Variants in TTC23 observed in about 807,000 individuals in gnomAD.
TTC23 encodes tetratricopeptide repeat protein 23.
Under a neutral mutation model 55.1 loss-of-function variants are expected in TTC23, and 58 were observed. The ratio of observed to expected loss-of-function variants is 1.05; its 90% CI spans 0.85 to 1.31. TTC23 has a LOEUF of 1.31. Ranked by LOEUF, TTC23 falls within the 50% of genes most tolerant of loss-of-function variation. The pLI is 0.00. For synonymous variants in TTC23, 203 were observed against 199.9 expected (o/e 1.02, Z -0.13); for missense variants, 516 against 534.4 (o/e 0.97, Z 0.34).
chr15:99,221,254 G>C (rs1214008920), intron 6 of TTC23, among the ~76,000 whole-genome samples: 1 of 152,168 alleles, frequency 6.6e-6, no homozygotes, highest in Non-Finnish European at 1.5e-5. Flanking sequence ...CACATTGTTT[G>C]AACACTGGAT....
At chr15:99,145,121 C>T (rs1486753879) in intron 12 of TTC23, 2 of 152,212 alleles carry the variant, frequency 1.3e-5, no homozygotes, top group African/African-American at 4.8e-5. Context: ...GAAACACAGT[C>T]AGGGGTAGTG....
At chr15:99,230,637 AATAAAG>A (rs899902262) in intron 4 of TTC23, among the ~76,000 whole-genome samples, 27 of 152,202 alleles carry the variant, frequency 1.8e-4, no homozygotes, top group African/African-American at 5.1e-4. Flanking sequence ...ACGTATAAAA[AATAAAG>A]ATAAAGATGA....
At chr15:99,215,912 C>T (rs1176489044) in intron 8 of TTC23, among the ~76,000 whole-genome samples, 1 of 151,840 alleles carries the variant, frequency 6.6e-6, no homozygotes, top group Non-Finnish European at 1.5e-5. Context: ...GAAATTTAAA[C>T]CCAAATAAAT....
At chr15:99,190,460 A>G (rs1397907774) in intron 9 of TTC23, among the ~76,000 whole-genome samples, 1 of 152,114 alleles carries the variant, frequency 6.6e-6, no homozygotes, top group Non-Finnish European at 1.5e-5. Flanking sequence ...CTTATAAAAC[A>G]TACACTGAAG....
intron 9 of TTC23, 90 bp from the exon 10 acceptor site, chr15:99,175,245 C>A: frequency 9.7e-7 from 1 of 1,025,790 alleles, no homozygotes; most frequent in Non-Finnish European, 1.5e-6. Flanking sequence ...AGCAGAAAGC[C>A]AAGGAACTTT....
intron 9 of TTC23, among the ~76,000 whole-genome samples, chr15:99,183,320 CT>C (rs2074329995): frequency 6.8e-6 from 1 of 147,516 alleles, no homozygotes; most frequent in Non-Finnish European, 1.5e-5. Flanking sequence ...AAATTTCTTT[CT>C]TTTCTTTTTT....
intron 9 of TTC23, among the ~76,000 whole-genome samples, chr15:99,178,739 T>C (rs574024574): frequency 6.6e-6 from 1 of 152,324 alleles, no homozygotes; most frequent in Admixed American, 6.5e-5. Context: ...ATGCATGAGA[T>C]TGGCCTGTAC....
intron 1 of TTC23, among the ~76,000 whole-genome samples, chr15:99,245,926 T>A (rs2080205317): frequency 6.6e-6 from 1 of 150,606 alleles, no homozygotes; most frequent in Non-Finnish European, 1.5e-5. Flanking sequence ...TGACTCAGCC[T>A]CCCTGACTCA....
chr15:99,191,767 C>G (rs1462178470), intron 9 of TTC23, among the ~76,000 whole-genome samples: 1 of 152,018 alleles, frequency 6.6e-6, no homozygotes, highest in Non-Finnish European at 1.5e-5. Flanking sequence ...GAAAAGATAC[C>G]CAAAAATGTG....
chr15:99,177,443 T>A (rs761334729), intron 9 of TTC23, among the ~76,000 whole-genome samples: 34 of 152,334 alleles, frequency 2.2e-4, no homozygotes, highest in Admixed American at 1.1e-3. Context: ...GAAATTCAAC[T>A]TCATGTGTAT....
chr15:99,165,247 A>T (rs2071911178), intron 10 of TTC23, among the ~76,000 whole-genome samples: 2 of 152,242 alleles, frequency 1.3e-5, no homozygotes, highest in South Asian at 2.1e-4. Flanking sequence ...GAAAACACAC[A>T]GAGCAATCAA....
At position 99,218,872 on chromosome 15, in the gene TTC23, T is replaced by C. The variant is rs766726191; in HGVS notation, c.455+26A>G. 8 of 1,603,960 alleles carry C rather than the reference T, an allele frequency of 5.0e-6. No individual in the cohort carries two copies. The Admixed American group carries it at 8.6e-5, about 17-fold the overall frequency. ...GTGTTACGTGAATAGTATTTCTATT[T>C]GTAAAAGTTAGAGGCAAAAGGATAC... is the stretch of plus-strand genomic sequence containing the variant. On this transcript the variant is annotated intron_variant, in intron 7 of 13. Transcript: ENST00000394132.
At position 99,137,988 on chromosome 15, in the gene TTC23, A is replaced by G; in HGVS notation, c.*22T>C. The G allele has an allele frequency of 6.2e-7, 1 of 1,614,006 alleles. No homozygotes were observed. Among genetic ancestry groups the G allele is most frequent in the Non-Finnish European group, 8.5e-7 (1 of 1,179,958 alleles). On this transcript the variant is annotated 3_prime_UTR_variant, in exon 14 of 14. Coordinates refer to ENST00000394132, the MANE Select transcript of TTC23 (RefSeq NM_001288615.3). ...AAATGACAGTGCCCAGGAATGTCCT[A>G]GGCTTTTTCAGGGTGGGGGCCTCAG... is the stretch of plus-strand genomic sequence containing the variant.
At chr15:99,172,036 G>A (rs62025664) in intron 10 of TTC23, among the ~76,000 whole-genome samples, 1 of 147,592 alleles carries the variant, frequency 6.8e-6, no homozygotes, top group Non-Finnish European at 1.5e-5. Context: ...TTTTTTTTTG[G>A]AGACAGAGTA....
At chr15:99,169,962 C>T (rs887719255) in intron 10 of TTC23, among the ~76,000 whole-genome samples, 1 of 152,232 alleles carries the variant, frequency 6.6e-6, no homozygotes, top group African/African-American at 2.4e-5. Flanking sequence ...CGCCTGCACT[C>T]AGCAGGCTCT....
chr15:99,181,146 C>T (rs1345866938), intron 9 of TTC23, among the ~76,000 whole-genome samples: 1 of 152,246 alleles, frequency 6.6e-6, no homozygotes, highest in African/African-American at 2.4e-5. Context: ...AGAACAGAGA[C>T]TCAGACTAAG....
intron 12 of TTC23, among the ~76,000 whole-genome samples, chr15:99,154,808 A>G (rs1208687715): frequency 2.0e-5 from 3 of 152,210 alleles, no homozygotes; most frequent in Non-Finnish European, 4.4e-5. Context: ...ATACTTTCTT[A>G]ACATGATAAA....
chr15:99,196,612 CAT>C (rs775610902), intron 9 of TTC23, among the ~76,000 whole-genome samples: 2 of 152,308 alleles, frequency 1.3e-5, no homozygotes, highest in South Asian at 4.1e-4. Context: ...CTACTCCACA[CAT>C]ATCTCTCAGA....
chr15:99,207,076 A>G (rs113386748), intron 8 of TTC23, among the ~76,000 whole-genome samples: 1 of 152,086 alleles, frequency 6.6e-6, no homozygotes, highest in African/African-American at 2.4e-5. Context: ...GCTGTTTAGG[A>G]GTCCTAAATT....
Sources: allele counts gnomAD v4.1 joint callset (sites outside exome capture counted in the v4.1 genomes callset), GRCh38; gene constraint gnomAD v4.1.1; transcripts MANE v1.5; gene names NCBI Gene and HGNC (gene_info 2026-07-23, HGNC 2026-07-21).